Variants in RTEL1 observed in about 807,000 individuals in gnomAD.
RTEL1 encodes the protein regulator of telomere elongation helicase 1.
In RTEL1, 86 loss-of-function variants were observed where a neutral mutation model predicts 162.2. The observed-to-expected ratio is 0.53, with a 90% CI of 0.45 to 0.63. The LOEUF (loss-of-function observed/expected upper bound fraction) is 0.63. RTEL1 is among the 30% of genes least tolerant of loss of function. The pLI is 0.00. For missense variants in RTEL1, 1,941 were observed against 1,750.2 expected (o/e 1.11, Z -1.95); for synonymous variants, 958 against 717.9 (o/e 1.33, Z -5.35).
chr20:63,662,433 A>G lies in RTEL1; in HGVS notation c.396-113A>G, dbSNP rs780248700. The stretch of plus-strand genomic sequence containing the variant: ...CCCGGGCCACGTTTCAGTTATGCTC[A>G]CTTCCTCTGACCGCCGAGGCTCCTG... On this transcript the variant is annotated intron_variant, in intron 4 of 34. Transcript: ENST00000360203. 36 of 1,561,072 alleles carry G rather than the reference A, an allele frequency of 2.3e-5. No homozygotes were observed. In the South Asian group the frequency reaches 4.2e-4, roughly 18 times the overall value.
At position 63,673,789 on chromosome 20, in the gene RTEL1, C is replaced by G. The variant is rs573835008; in HGVS notation, c.766-151C>G. ...TGTGGGCCACACAGTCATGTTTGGA[C>G]CTACTTGTGGCCTTTTACAGACCCC... On this transcript the variant is annotated intron_variant, in intron 9 of 34. Coordinates refer to ENST00000360203, the MANE Select transcript of RTEL1 (RefSeq NM_001283009.2). The G allele has an allele frequency of 3.8e-6, 3 of 795,434 alleles. No individual in the cohort carries two copies. In the East Asian group the frequency reaches 7.5e-5, roughly 20 times the overall value. 49.3% of individuals were successfully genotyped at this position (795,434 alleles called of 1,614,324 possible). A position where few individuals can be genotyped will look rare whatever the true frequency, so the allele number is the denominator to read the frequency against.
chr20:63,683,980 T>C (rs767220321), intron 14 of RTEL1, among the ~76,000 whole-genome samples: 17 of 108,728 alleles, frequency 1.6e-4, no homozygotes, highest in Non-Finnish European at 3.1e-4. Context: ...GACATACATA[T>C]TCTTTCCTTG....
In RTEL1 at chr20:63,693,246, C is replaced by A; in HGVS notation, c.2955C>A (p.Pro985=). 6.2e-7 allele frequency: 1 copy of A among 1,611,968 alleles called. No individual in the cohort carries two copies. The highest frequency in any genetic ancestry group is 1.1e-5 in the South Asian group (1 of 91,086). The change falls in exon 30 of 35, where the codon CCC becomes CCA. Residue 985 remains proline (P), a synonymous_variant. Transcript: ENST00000360203. The part of the protein sequence containing the change: ...GCGYRPEHSI[P]RRQRAQPVLD... The stretch of plus-strand genomic sequence containing the variant: ...GCTATCGGCCTGAGCACAGCATTCC[C>A]CGAAGGCAGCGGGCACAGCCGGTCC...
At position 63,689,111 on chromosome 20, in the gene RTEL1, C is replaced by T; in HGVS notation, c.1857C>T (p.Phe619=). The T allele has an allele frequency of 6.2e-7, 1 of 1,610,170 alleles. No individual in the cohort carries two copies. Among genetic ancestry groups the T allele is most frequent in the Non-Finnish European group, 8.5e-7 (1 of 1,179,890 alleles). ...VAAPGSTGAT[F]LAVCRGKASE... Reference sequence around the variant, plus strand: ...CCCCTGGGTCCACCGGCGCCACCTTCCTGGCGGTCTGCCGGGGCAAGGTGA... The same window carrying T: ...CCCCTGGGTCCACCGGCGCCACCTTTCTGGCGGTCTGCCGGGGCAAGGTGA... Residue 619 remains phenylalanine (F), a synonymous_variant, in exon 22 of 35, where the codon TTC becomes TTT. Transcript: ENST00000360203.
chr20:63,693,457 C>CCACCTT (rs1443213386), intron 30 of RTEL1, among the ~76,000 whole-genome samples, 174 bp downstream of exon 30: 1 of 31,094 alleles, frequency 3.2e-5, no homozygotes, highest in Non-Finnish European at 6.1e-5. Flanking sequence ...AGCACCACCT[C>CCACCTT]CACCTCCACC....
Position 63,661,568 on chromosome 20 carries a change from G to T in RTEL1, c.301+72G>T. On this transcript the variant is annotated intron_variant, in intron 3 of 34. Coordinates refer to ENST00000360203, the MANE Select transcript of RTEL1 (RefSeq NM_001283009.2). This position sits in a 1 kb window ranked among gnomAD's most constrained non-coding sequence, Gnocchi z 5.1. ...GGCAAGGGATGGCGCTGAGGGTGGG[G>T]TGGGCCCATGGGGACTCCTGCCGTC... is the stretch of plus-strand genomic sequence containing the variant. 1 of 1,461,300 alleles carries T rather than the reference G, an allele frequency of 6.8e-7. No individual in the cohort carries two copies. The highest frequency in any genetic ancestry group is 2.4e-5 in the East Asian group (1 of 41,380). The allele number at this position is 1,461,300 out of a possible 1,614,324, so 90.5% of individuals were successfully genotyped here. A position where few individuals can be genotyped will look rare whatever the true frequency, so the allele number is the denominator to read the frequency against.
chr20:63,662,759 G>A, intron 5 of RTEL1, 70 bp from the exon 6 acceptor site: 14 of 1,596,858 alleles, frequency 8.8e-6, no homozygotes, highest in African/African-American at 1.3e-5. Context: ...AGGACCTGGT[G>A]GGGGTGGGGA....
At position 63,673,724 on chromosome 20, in the gene RTEL1, C is replaced by A. The variant is rs550406816; in HGVS notation, c.766-216C>A. On this transcript the variant is annotated intron_variant, in intron 9 of 34. Coordinates refer to ENST00000360203, the MANE Select transcript of RTEL1 (RefSeq NM_001283009.2). The stretch of plus-strand genomic sequence containing the variant: ...AAAGTGCTGGGATTACAGGTGTGAG[C>A]CACCGCGCCCGGCCTGAAACAATCG... Among the ~76,000 whole-genome samples the A allele has an allele frequency of 5.3e-5, 8 of 152,292 alleles. No homozygotes were observed. The South Asian group carries it at 1.7e-3, about 32-fold the overall frequency.
At chr20:63,693,517 C>CCACCTCCACCACCTCCACCTT in intron 30 of RTEL1, among the ~76,000 whole-genome samples, 1 of 105,496 alleles carries the variant, frequency 9.5e-6, no homozygotes, top group Non-Finnish European at 2.0e-5. Flanking sequence ...ACCTCCTCCA[C>CCACCTCCACCACCTCCACCTT]CACCACCACC....
chr20:63,672,220 G>A (rs532982804), intron 8 of RTEL1, among the ~76,000 whole-genome samples: 2 of 152,324 alleles, frequency 1.3e-5, no homozygotes, highest in African/African-American at 2.4e-5. Flanking sequence ...TGGGGCTGGG[G>A]CAGGGAACTG....
chr20:63,695,301 C>T, intron 33 of RTEL1, 27 bp from the exon 34 acceptor site: 1 of 1,581,258 alleles, frequency 6.3e-7, no homozygotes, highest in South Asian at 1.1e-5. Context: ...CCCCAGGCCC[C>T]CCTCAGACTC....
In RTEL1 at chr20:63,659,228, C is replaced by T; in HGVS notation, c.-170-5C>T. On this transcript the variant is annotated splice_region_variant and splice_polypyrimidine_tract_variant and intron_variant, in intron 1 of 34. Coordinates refer to ENST00000360203, the MANE Select transcript of RTEL1 (RefSeq NM_001283009.2). ...CTACAAACAGAGTCTTACTGTCTTT[C>T]CCAGGTCTGTGCCATAGGGATTCTC... The T allele has an allele frequency of 1.6e-6, 1 of 626,214 alleles. No homozygotes were observed. The allele number at this position is 626,214 out of a possible 1,614,324, so 38.8% of individuals were successfully genotyped here. A position where few individuals can be genotyped will look rare whatever the true frequency, so the allele number is the denominator to read the frequency against.
chr20:63,665,968 T>C, intron 6 of RTEL1, 36 bp from the exon 7 acceptor site: 5 of 1,601,552 alleles, frequency 3.1e-6, no homozygotes, highest in Non-Finnish European at 4.3e-6. Flanking sequence ...TAGTGGACCC[T>C]GAGGGTGTGT....
chr20:63,689,018 G>T (rs370353126), intron 21 of RTEL1, 37 bp from the exon 22 acceptor site: 16 of 1,572,170 alleles, frequency 1.0e-5, no homozygotes, highest in Non-Finnish European at 1.4e-5. Flanking sequence ...GGGCTGGGGG[G>T]GGGCTCCAGG....
chr20:63,695,118 C>T lies in RTEL1; in HGVS notation c.3396C>T (p.Cys1132=), dbSNP rs1390343318. The T allele has an allele frequency of 6.2e-7, 1 of 1,612,444 alleles. No homozygotes were observed. The highest frequency in any genetic ancestry group is 8.5e-7 in the Non-Finnish European group (1 of 1,179,870). ...ACAAGCAGCGCTTCTCACAGACGTG[C>T]ACAGACCTGACCGGCCGGCCCTACC... ...PHHKQRFSQT[C]TDLTGRPYPG... is the part of the protein sequence containing the mutation. Residue 1132 remains cysteine, a synonymous_variant, in exon 33 of 35, where the codon TGC becomes TGT. Transcript: ENST00000360203.
intron 26 of RTEL1, 41 bp from the exon 27 acceptor site, chr20:63,690,764 G>GC (rs766703362): frequency 6.4e-7 from 1 of 1,558,230 alleles, no homozygotes. Context: ...CCCAGCTGGG[G>GC]CCCCCCGTGG....
At chr20:63,691,345 C>T (rs530041151) in intron 27 of RTEL1, among the ~76,000 whole-genome samples, 101 of 152,130 alleles carry the variant, frequency 6.6e-4, no homozygotes, top group Admixed American at 4.6e-3. Flanking sequence ...CCCAGAAGCC[C>T]ATAATTCCTC....
rs12625047 is a variant in RTEL1, at chr20:63,692,957, C to T, written c.2805C>T (p.Leu935=). The T allele has an allele frequency of 1.6e-3, 2,636 of 1,612,666 alleles. 22 individuals carry two copies. Among genetic ancestry groups the T allele is most frequent in the South Asian group, 9.0e-3 (816 of 91,088 alleles). The change falls in exon 29 of 35, where the codon CTC becomes CTT. Residue 935 remains leucine, a synonymous_variant. Transcript: ENST00000360203. ...SDDFAALAAC[L]GPLFAEDPKK... is the part of the protein sequence containing the mutation. ...ACTTCGCCGCCCTGGCCGCCTGTCTCGGCCCCCTCTTTGCTGAGGACCCCA... is the reference window on the plus strand; with the variant it reads ...ACTTCGCCGCCCTGGCCGCCTGTCTTGGCCCCCTCTTTGCTGAGGACCCCA...
At position 63,692,540 on chromosome 20, in the gene RTEL1, G is replaced by A. The variant is rs577161694; in HGVS notation, c.2653-265G>A. 3.5e-5 allele frequency: 19 copies of A among 544,292 alleles called. No individual in the cohort carries two copies. The South Asian group carries it at 3.9e-4, about 11-fold the overall frequency. The allele number at this position is 544,292 out of a possible 1,614,324, so 33.7% of individuals were successfully genotyped here. On this transcript the variant is annotated intron_variant, in intron 28 of 34. Transcript: ENST00000360203. ...GGGCCATGCAGGACCCCTGGCTTGAGGCAGAGCCAATCTACCCTTTGCCCA... is the reference window on the plus strand; with the variant it reads ...GGGCCATGCAGGACCCCTGGCTTGAAGCAGAGCCAATCTACCCTTTGCCCA...
Sources: gnomAD v4.1 joint callset for allele counts (sites outside exome capture counted in the v4.1 genomes callset) on GRCh38, gnomAD v4.1.1 for gene constraint, Gnocchi (gnomAD v3.1) non-coding constraint, MANE v1.5 for transcripts, NCBI Gene and HGNC (gene_info 2026-07-23, HGNC 2026-07-21) for gene names.